CLRN1: variants seen among roughly 807,000 people sequenced by gnomAD.
CLRN1 encodes the protein clarin-1.
A neutral mutation model predicts 18.7 loss-of-function variants in CLRN1; 15 were observed. The ratio of observed to expected loss-of-function variants is 0.80; its 90% CI spans 0.54 to 1.23. The LOEUF (loss-of-function observed/expected upper bound fraction) is 1.23, where lower values mean the gene tolerates loss of function less well. Among genes scored for constraint, CLRN1 ranks in the 50% most tolerant of loss-of-function variants. The probability of loss-of-function intolerance (pLI) is 0.00; values close to 1 mark genes in which losing one functional copy is unlikely to be tolerated. For missense variants in CLRN1, 311 were observed against 277.5 expected (o/e 1.12, Z -0.86); for synonymous variants, 104 against 102.9 (o/e 1.01, Z -0.07).
At chr3:150,968,643 T>C (rs1175181087) in intron 1 of CLRN1, among the ~76,000 whole-genome samples, 2 of 152,238 alleles carry the variant, frequency 1.3e-5, no homozygotes, top group Non-Finnish European at 2.9e-5. Context: ...ATTCTCATGT[T>C]ATGCCATATA....
intron 1 of CLRN1, among the ~76,000 whole-genome samples, chr3:150,951,790 G>A (rs1301132364): frequency 6.6e-6 from 1 of 152,090 alleles, no homozygotes; most frequent in African/African-American, 2.4e-5. Context: ...GGCCAGAGTA[G>A]GAGAAAGAGA....
intron 1 of CLRN1, among the ~76,000 whole-genome samples, chr3:150,959,931 C>A (rs147401099): frequency 6.6e-6 from 1 of 152,102 alleles, no homozygotes; most frequent in African/African-American, 2.4e-5. Context: ...TAAGTCTGTA[C>A]GTAATGGCAT....
chr3:150,962,156 G>A (rs1406529772), intron 1 of CLRN1, among the ~76,000 whole-genome samples: 1 of 152,218 alleles, frequency 6.6e-6, no homozygotes, highest in East Asian at 1.9e-4. Flanking sequence ...AATCCACAGG[G>A]GTATGATTAT....
intron 2 of CLRN1, among the ~76,000 whole-genome samples, chr3:150,935,064 C>T (rs531503879): frequency 2.2e-4 from 34 of 152,102 alleles, no homozygotes; most frequent in South Asian, 6.2e-4. Context: ...GCTGGCTTCT[C>T]CTCCTCCTAA....
intron 1 of CLRN1, among the ~76,000 whole-genome samples, chr3:150,957,550 T>C (rs972285085): frequency 6.6e-6 from 1 of 152,228 alleles, no homozygotes; most frequent in Non-Finnish European, 1.5e-5. Flanking sequence ...GGTGAAGGTC[T>C]ATCCTCTAAG....
chr3:150,931,669 C>T (rs1283734074), intron 2 of CLRN1, among the ~76,000 whole-genome samples: 1 of 152,184 alleles, frequency 6.6e-6, no homozygotes, highest in African/African-American at 2.4e-5. Flanking sequence ...TTACTGTGTG[C>T]AGTGGAGCCA....
chr3:150,928,303 C>G lies in CLRN1; in HGVS notation c.434-102G>C. Reference sequence around the variant, plus strand: ...CCAAGGAATTCTCTTACCATCATCCCCATTGACATTATCCACACAAAAAAT... The same window carrying G: ...CCAAGGAATTCTCTTACCATCATCCGCATTGACATTATCCACACAAAAAAT... On this transcript the variant is annotated intron_variant, in intron 2 of 2. Coordinates refer to ENST00000327047, the MANE Select transcript of CLRN1 (RefSeq NM_174878.3). 7.2e-6 allele frequency: 10 copies of G among 1,390,716 alleles called. No individual in the cohort carries two copies. The South Asian group carries it at 1.3e-4, about 18-fold the overall frequency. The allele number at this position is 1,390,716 out of a possible 1,614,324, so 86.1% of individuals were successfully genotyped here.
intron 2 of CLRN1, among the ~76,000 whole-genome samples, chr3:150,933,568 G>T (rs2107936349): frequency 6.6e-6 from 1 of 152,254 alleles, no homozygotes; most frequent in African/African-American, 2.4e-5. Flanking sequence ...AAAGAGGTGA[G>T]CTGTCTGTGT....
chr3:150,970,777 C>T (rs1317370613), intron 1 of CLRN1, among the ~76,000 whole-genome samples: 1 of 152,052 alleles, frequency 6.6e-6, no homozygotes, highest in East Asian at 1.9e-4. Context: ...TTCTGCAAGT[C>T]CTCACAGAAA....
intron 2 of CLRN1, among the ~76,000 whole-genome samples, chr3:150,938,806 G>T (rs1713635736): frequency 6.6e-6 from 1 of 151,500 alleles, no homozygotes; most frequent in Admixed American, 6.6e-5. Context: ...GGGTGAGACA[G>T]AATAGAATGC....
intron 2 of CLRN1, 96 bp from the exon 3 acceptor site, chr3:150,928,297 T>G (rs544080306): frequency 7.0e-7 from 1 of 1,429,494 alleles, no homozygotes; most frequent in African/African-American, 1.4e-5. Context: ...TCTCTTACCA[T>G]CATCCCCATT....
At chr3:150,960,855 A>C (rs1714990953) in intron 1 of CLRN1, among the ~76,000 whole-genome samples, 1 of 152,248 alleles carries the variant, frequency 6.6e-6, no homozygotes, top group East Asian at 1.9e-4. Context: ...AGCTTCACCC[A>C]CGCAGTCACA....
chr3:150,944,581 CG>C (rs1256731924), intron 1 of CLRN1, among the ~76,000 whole-genome samples: 3 of 150,500 alleles, frequency 2.0e-5, no homozygotes. Context: ...GAATCCAGGC[CG>C]GGTGCGGTGG....
chr3:150,961,139 A>C (rs992242156), intron 1 of CLRN1, among the ~76,000 whole-genome samples: 2 of 152,120 alleles, frequency 1.3e-5, no homozygotes, highest in Non-Finnish European at 2.9e-5. Flanking sequence ...AAACCCCCCA[A>C]CTGTGTGGAA....
chr3:150,966,832 T>G (rs535823497), intron 1 of CLRN1, among the ~76,000 whole-genome samples: 5 of 152,296 alleles, frequency 3.3e-5, no homozygotes, highest in Admixed American at 6.5e-5. Flanking sequence ...GCCAAAAATC[T>G]GTCAGTGGAG....
intron 1 of CLRN1, among the ~76,000 whole-genome samples, chr3:150,957,246 C>CACACACAA: frequency 6.8e-6 from 1 of 147,872 alleles, no homozygotes; most frequent in South Asian, 2.1e-4. Flanking sequence ...TATACACACA[C>CACACACAA]ACACACACAC....
intron 1 of CLRN1, among the ~76,000 whole-genome samples, chr3:150,960,694 C>G (rs890825563): frequency 6.6e-6 from 1 of 152,194 alleles, no homozygotes; most frequent in Non-Finnish European, 1.5e-5. Flanking sequence ...ACTGATAACA[C>G]ACCTCTAAGG....
downstream of CLRN1, chr3:150,926,335 G>A: frequency 4.7e-6 from 1 of 212,988 alleles, no homozygotes; most frequent in South Asian, 7.2e-5. Context: ...CAATAAGAGT[G>A]CAGGGGGTAC....
intron 1 of CLRN1, among the ~76,000 whole-genome samples, chr3:150,954,882 C>G (rs1273851921): frequency 6.6e-6 from 1 of 152,196 alleles, no homozygotes; most frequent in Non-Finnish European, 1.5e-5. Flanking sequence ...TAACATATAA[C>G]CCAGCAATCC....
Sources: gnomAD v4.1 joint callset for allele counts (sites outside exome capture counted in the v4.1 genomes callset) on GRCh38, gnomAD v4.1.1 for gene constraint, MANE v1.5 for transcripts, NCBI Gene and HGNC (gene_info 2026-07-23, HGNC 2026-07-21) for gene names.